ROBO1: variants seen among roughly 807,000 people sequenced by gnomAD.
The protein encoded by ROBO1 is roundabout guidance receptor 1, also known as roundabout homolog 1.
ROBO1 carries 149 observed loss-of-function variants against 195.9 expected under a neutral mutation model. The ratio of observed to expected loss-of-function variants is 0.76; its 90% CI spans 0.67 to 0.87. The LOEUF is 0.87. Among genes scored for constraint, ROBO1 ranks in the 40% least tolerant of loss-of-function variants. The pLI is 0.00. For missense variants in ROBO1, 1,933 were observed against 2,068.3 expected, an observed-to-expected ratio of 0.93 and a Z score of 1.27; for synonymous variants, 816 against 733.2, an observed-to-expected ratio of 1.11 and a Z score of -1.82.
At chr3:79,531,404 C>T (rs1941656631) in intron 2 of ROBO1, among the ~76,000 whole-genome samples, 1 of 152,062 alleles carries the variant, frequency 6.6e-6, no homozygotes, top group Admixed American at 6.6e-5. Context: ...GGGTGGATCA[C>T]TTGAGGTCGG....
intron 2 of ROBO1, among the ~76,000 whole-genome samples, chr3:79,555,430 T>G (rs1201658525): frequency 6.6e-6 from 1 of 152,098 alleles, no homozygotes; most frequent in Non-Finnish European, 1.5e-5. Context: ...GATACGTAGA[T>G]CATGTTAGCT....
chr3:78,791,505 AAAGTTC>A, intron 4 of ROBO1, among the ~76,000 whole-genome samples: 1 of 152,220 alleles, frequency 6.6e-6, no homozygotes, highest in Non-Finnish European at 1.5e-5. Flanking sequence ...TGAATCTAAT[AAAGTTC>A]AAGCTTTAAA....
intron 2 of ROBO1, among the ~76,000 whole-genome samples, chr3:79,503,745 G>T (rs1286775677): frequency 6.6e-6 from 1 of 152,162 alleles, no homozygotes; most frequent in Non-Finnish European, 1.5e-5. Flanking sequence ...ATAAAATGAT[G>T]ATAAATGGAA....
intron 3 of ROBO1, among the ~76,000 whole-genome samples, chr3:79,093,945 G>C (rs980007306): frequency 6.6e-6 from 1 of 152,014 alleles, no homozygotes; most frequent in Non-Finnish European, 1.5e-5. Flanking sequence ...CTTGAAATTA[G>C]AGTTGACTCT....
At chr3:79,045,069 G>C (rs2078565214) in intron 3 of ROBO1, among the ~76,000 whole-genome samples, 1 of 151,982 alleles carries the variant, frequency 6.6e-6, no homozygotes, top group African/African-American at 2.4e-5. Flanking sequence ...TTCTTTGAAA[G>C]ACCATGAAGC....
At chr3:79,166,772 T>C (rs2081075381) in intron 2 of ROBO1, among the ~76,000 whole-genome samples, 1 of 152,096 alleles carries the variant, frequency 6.6e-6, no homozygotes, top group Non-Finnish European at 1.5e-5. Context: ...TTTCACCAAG[T>C]TAGCCAGGAT....
intron 4 of ROBO1, among the ~76,000 whole-genome samples, chr3:78,796,659 T>C (rs1023243122): frequency 6.6e-6 from 1 of 152,302 alleles, no homozygotes; most frequent in Middle Eastern, 3.4e-3. Flanking sequence ...CTCTTCAATC[T>C]ACCATCAAGT....
At chr3:79,052,895 AACTATGGGTC>A (rs1157669532) in intron 3 of ROBO1, among the ~76,000 whole-genome samples, 3 of 152,042 alleles carry the variant, frequency 2.0e-5, no homozygotes, top group Non-Finnish European at 4.4e-5. Context: ...GGTCCGGGTT[AACTATGGGTC>A]ACAAAGAGTC....
At chr3:79,643,756 TA>T (rs893709801) in intron 1 of ROBO1, among the ~76,000 whole-genome samples, 4 of 151,924 alleles carry the variant, frequency 2.6e-5, no homozygotes, top group African/African-American at 9.7e-5. Context: ...AGCAATGAAT[TA>T]AAAAATACTA....
intron 2 of ROBO1, among the ~76,000 whole-genome samples, chr3:79,478,841 A>G (rs1379722961): frequency 2.0e-5 from 3 of 152,180 alleles, no homozygotes; most frequent in Admixed American, 2.0e-4. Flanking sequence ...ACACCACAGA[A>G]ACTTGAGATT....
intron 2 of ROBO1, among the ~76,000 whole-genome samples, chr3:79,384,909 G>T (rs574868939): frequency 5.9e-5 from 9 of 152,134 alleles, no homozygotes; most frequent in African/African-American, 7.2e-5. Context: ...TCCGATACAG[G>T]AAAGTTATGC....
chr3:78,754,922 A>G (rs2082890194), intron 4 of ROBO1, among the ~76,000 whole-genome samples: 1 of 152,166 alleles, frequency 6.6e-6, no homozygotes, highest in South Asian at 2.1e-4. Context: ...ACTTCAGGTG[A>G]GGAAAAATCC....
intron 4 of ROBO1, among the ~76,000 whole-genome samples, chr3:78,937,836 T>C (rs2039895090): frequency 6.6e-6 from 1 of 152,170 alleles, no homozygotes. Flanking sequence ...ATAGCTTTAA[T>C]AGAAATATAT....
intron 4 of ROBO1, among the ~76,000 whole-genome samples, chr3:78,884,655 G>GA (rs2036420177): frequency 6.1e-5 from 3 of 48,822 alleles, no homozygotes; most frequent in South Asian, 6.4e-4. Context: ...AAGAAAGGAA[G>GA]GAAGGAAGGA....
chr3:78,951,529 A>C (rs574342282), intron 3 of ROBO1, among the ~76,000 whole-genome samples: 80 of 152,168 alleles, frequency 5.3e-4, no homozygotes, highest in South Asian at 4.8e-3. Flanking sequence ...AAAAACAACA[A>C]CACCACACAG....
chr3:78,812,231 A>C (rs1451594015), intron 4 of ROBO1, among the ~76,000 whole-genome samples: 1 of 152,020 alleles, frequency 6.6e-6, no homozygotes. Context: ...AAACTCTCTA[A>C]ATCTCCTACT....
At chr3:79,440,432 T>C (rs1017046981) in intron 2 of ROBO1, among the ~76,000 whole-genome samples, 1 of 152,128 alleles carries the variant, frequency 6.6e-6, no homozygotes, top group African/African-American at 2.4e-5. Flanking sequence ...TCATAATTTA[T>C]GTAGCTGATT....
rs1290377519 is a variant in ROBO1 at position 78,598,909 on chromosome 3, G to T, written c.*4C>A. 3 of 1,571,176 alleles carry T rather than the reference G, an allele frequency of 1.9e-6. No homozygotes were observed. Among genetic ancestry groups the T allele is most frequent in the Non-Finnish European group, 2.6e-6 (3 of 1,154,368 alleles). On this transcript the variant is annotated 3_prime_UTR_variant, in exon 31 of 31. Coordinates refer to ENST00000464233, the MANE Select transcript of ROBO1 (RefSeq NM_002941.4). The stretch of plus-strand genomic sequence containing the variant: ...ATTAGATCTCATAAGCCTCTTGGTT[G>T]TCTTCAGCTTTCAGTTTCCTGTAAG...
intron 2 of ROBO1, among the ~76,000 whole-genome samples, chr3:79,569,878 C>T (rs1031444600): frequency 6.6e-6 from 1 of 151,872 alleles, no homozygotes; most frequent in Non-Finnish European, 1.5e-5. Flanking sequence ...GAGAGACGAT[C>T]CCTTGAATCC....
Sources: allele counts gnomAD v4.1 joint callset (sites outside exome capture counted in the v4.1 genomes callset), GRCh38; gene constraint gnomAD v4.1.1; transcripts MANE v1.5; gene names NCBI Gene and HGNC (gene_info 2026-07-23, HGNC 2026-07-21).